Variants in AGAP1 observed in about 807,000 individuals in gnomAD.
AGAP1 encodes ArfGAP with GTPase domain, ankyrin repeat and PH domain 1.
In AGAP1, 29 loss-of-function variants were observed where a neutral mutation model predicts 105.3. The observed-to-expected ratio is 0.28, with a 90% CI of 0.21 to 0.38. The LOEUF (loss-of-function observed/expected upper bound fraction) is 0.38. AGAP1 is among the 10% of genes least tolerant of loss of function. The pLI, the probability that AGAP1 is intolerant of heterozygous loss-of-function variation, is 1.00. For missense variants in AGAP1, 998 were observed against 1,165.1 expected, an observed-to-expected ratio of 0.86 and a Z score of 2.09; for synonymous variants, 509 against 485.9, an observed-to-expected ratio of 1.05 and a Z score of -0.63.
At chr2:235,677,189 A>G (rs562833850) in intron 1 of AGAP1, among the ~76,000 whole-genome samples, 1 of 152,136 alleles carries the variant, frequency 6.6e-6, no homozygotes, top group African/African-American at 2.4e-5. Flanking sequence ...AGAGATGGCT[A>G]TTGGCCCTTT....
chr2:235,897,592 G>A (rs1575726944), intron 10 of AGAP1, among the ~76,000 whole-genome samples: 1 of 152,080 alleles, frequency 6.6e-6, no homozygotes, highest in African/African-American at 2.4e-5. Context: ...GCCGTCCTTT[G>A]TACCCAATTG....
intron 13 of AGAP1, among the ~76,000 whole-genome samples, chr2:235,975,608 G>T (rs554417203): frequency 1.3e-5 from 2 of 152,296 alleles, no homozygotes; most frequent in Admixed American, 1.3e-4. Flanking sequence ...CACATGACTG[G>T]CAAGGAGTCA....
chr2:235,726,169 C>A (rs1451296064), intron 3 of AGAP1, among the ~76,000 whole-genome samples: 1 of 152,174 alleles, frequency 6.6e-6, no homozygotes, highest in Non-Finnish European at 1.5e-5. Flanking sequence ...GAATAAGTAA[C>A]TGTGATGCAG....
intron 16 of AGAP1, among the ~76,000 whole-genome samples, chr2:236,093,455 G>A (rs1432885073): frequency 6.6e-6 from 1 of 152,190 alleles, no homozygotes; most frequent in Non-Finnish European, 1.5e-5. Flanking sequence ...TGGCACCTCT[G>A]TAGTAATATT....
rs1366624081 is a variant in AGAP1 at position 236,083,022 on chromosome 2, G to A, written c.2114+33741G>A. Among the ~76,000 whole-genome samples the A allele has an allele frequency of 7.9e-5, 12 of 152,026 alleles. No homozygotes were observed. Among genetic ancestry groups the A allele is most frequent in the Admixed American group, 7.9e-4 (12 of 15,256 alleles). ...AATACAAAATTAGGCAGGCGTGGTG[G>A]TGCACGCCTGTAATCCCAGCTACTT... On this transcript the variant is annotated intron_variant, in intron 16 of 17. Coordinates refer to ENST00000304032, the MANE Select transcript of AGAP1 (RefSeq NM_001037131.3). The surrounding 1 kb of genome is among the most constrained non-coding windows in gnomAD (Gnocchi z 5.3).
chr2:235,941,913 G>T (rs116057262), intron 12 of AGAP1, among the ~76,000 whole-genome samples: 1 of 152,118 alleles, frequency 6.6e-6, no homozygotes, highest in African/African-American at 2.4e-5. Flanking sequence ...GTTCCAGCCC[G>T]GTATGGAAGA....
In AGAP1 at chr2:235,905,807, T is replaced by C. The variant is rs1193648947; in HGVS notation, c.1156-2931T>C. Among the ~76,000 whole-genome samples the C allele has an allele frequency of 1.3e-5, 2 of 152,216 alleles. No homozygotes were observed. The highest frequency in any genetic ancestry group is 2.9e-5 in the Non-Finnish European group (2 of 68,042). ...AGCCACCGCGCCCCGCCTGATGTGCTTTTCATTTGTCACCCTCAACACAGC... is the reference window on the plus strand; with the variant it reads ...AGCCACCGCGCCCCGCCTGATGTGCCTTTCATTTGTCACCCTCAACACAGC... On this transcript the variant is annotated intron_variant, in intron 10 of 17. Transcript: ENST00000304032. This position sits in a 1 kb window ranked among gnomAD's most constrained non-coding sequence, Gnocchi z 4.2.
intron 16 of AGAP1, among the ~76,000 whole-genome samples, chr2:236,059,972 C>T (rs187048485): frequency 3.7e-4 from 56 of 152,148 alleles, no homozygotes; most frequent in Admixed American, 1.4e-3. Context: ...GCACCTGTAA[C>T]GCCAGCTACT....
At position 235,580,296 on chromosome 2, in the gene AGAP1, A is replaced by T. The variant is rs1302536617; in HGVS notation, c.163+85447A>T. Among the ~76,000 whole-genome samples the T allele has an allele frequency of 2.6e-5, 4 of 151,986 alleles. No individual in the cohort carries two copies. In the East Asian group the frequency reaches 7.7e-4, roughly 29 times the overall value. On this transcript the variant is annotated intron_variant, in intron 1 of 17. Coordinates refer to ENST00000304032, the MANE Select transcript of AGAP1 (RefSeq NM_001037131.3). ...AGTGGTTGCTTGGAAAGGTAATTGT[A>T]TTTGACTTTGAGAAGAACCGCCATA...
In AGAP1 at chr2:236,040,762, G is replaced by A. The variant is rs752822022; in HGVS notation, c.1812G>A (p.Thr604=). The change falls in exon 15 of 18, where the codon ACG becomes ACA. Residue 604 remains threonine, a synonymous_variant. Transcript: ENST00000304032. The surrounding 1 kb of genome is among the most constrained non-coding windows in gnomAD (Gnocchi z 5.6). ...CESSKNKSRL[T]SQSEAMALQS... Reference sequence around the variant, plus strand: ...TCCTCCGTGCCCAGTCCCGGCTGACGAGCCAGAGCGAGGCCATGGCCCTGC... The same window carrying A: ...TCCTCCGTGCCCAGTCCCGGCTGACAAGCCAGAGCGAGGCCATGGCCCTGC... The A allele has an allele frequency of 1.1e-5, 17 of 1,613,134 alleles. No homozygotes were observed. Among genetic ancestry groups the A allele is most frequent in the African/African-American group, 5.3e-5 (4 of 74,890 alleles).
intron 1 of AGAP1, among the ~76,000 whole-genome samples, chr2:235,516,645 C>T (rs1056316379): frequency 6.6e-5 from 10 of 152,150 alleles, no homozygotes; most frequent in Non-Finnish European, 1.3e-4. Flanking sequence ...ATGTGTTTGT[C>T]GCCTCTGGCC....
At chr2:235,968,366 A>G (rs1188398599) in intron 12 of AGAP1, 96 bp from the exon 13 acceptor site, 1 of 1,436,764 alleles carries the variant, frequency 7.0e-7, no homozygotes, top group Non-Finnish European at 9.3e-7. Flanking sequence ...GTGTGGTATG[A>G]GAGGAGCGTG....
Position 235,793,547 on chromosome 2 carries a change from T to A in AGAP1, c.674-4212T>A, listed in dbSNP as rs544119520. Among the ~76,000 whole-genome samples the A allele has an allele frequency of 6.6e-6, 1 of 152,244 alleles. No individual in the cohort carries two copies. Among genetic ancestry groups the A allele is most frequent in the Admixed American group, 6.5e-5 (1 of 15,294 alleles). Reference sequence around the variant, plus strand: ...GAGCCGTCGGATTGCTCTGGTGCACTTGCTGCCTGGTTTTTCTCACCTGCA... The same window carrying A: ...GAGCCGTCGGATTGCTCTGGTGCACATGCTGCCTGGTTTTTCTCACCTGCA... On this transcript the variant is annotated intron_variant, in intron 6 of 17. Coordinates refer to ENST00000304032, the MANE Select transcript of AGAP1 (RefSeq NM_001037131.3). This position sits in a 1 kb window ranked among gnomAD's most constrained non-coding sequence, Gnocchi z 5.3.
intron 17 of AGAP1, among the ~76,000 whole-genome samples, chr2:236,122,069 A>G (rs1049046318): frequency 1.3e-5 from 2 of 149,558 alleles, no homozygotes; most frequent in Non-Finnish European, 3.0e-5. Flanking sequence ...CCCCCACCCT[A>G]GCCTCCCAAG....
chr2:235,768,574 A>C (rs909416449), intron 6 of AGAP1, among the ~76,000 whole-genome samples: 1 of 152,230 alleles, frequency 6.6e-6, no homozygotes, highest in Non-Finnish European at 1.5e-5. Flanking sequence ...ACAATGTTTT[A>C]CCATCCTCTA....
intron 13 of AGAP1, among the ~76,000 whole-genome samples, chr2:235,995,573 C>T (rs903614623): frequency 6.6e-6 from 1 of 152,152 alleles, no homozygotes; most frequent in Non-Finnish European, 1.5e-5. Context: ...CTCTGTGCAT[C>T]ATAGATGGCA....
Position 235,740,801 on chromosome 2 carries a change from C to T in AGAP1, c.311-162C>T, listed in dbSNP as rs1378915495. Among the ~76,000 whole-genome samples, 1 of 152,228 alleles carries T rather than the reference C, an allele frequency of 6.6e-6. No individual in the cohort carries two copies. On this transcript the variant is annotated intron_variant, in intron 3 of 17. Transcript: ENST00000304032. The surrounding 1 kb of genome is among the most constrained non-coding windows in gnomAD (Gnocchi z 5.7). Reference sequence around the variant, plus strand: ...AAAGACAAACATTTAAATCTGAGTTCGGCTCTGTTAAAATTCAGCATTTGC... The same window carrying T: ...AAAGACAAACATTTAAATCTGAGTTTGGCTCTGTTAAAATTCAGCATTTGC...
intron 16 of AGAP1, among the ~76,000 whole-genome samples, chr2:236,071,915 A>G (rs2058506444): frequency 6.6e-6 from 1 of 152,154 alleles, no homozygotes; most frequent in Admixed American, 6.5e-5. Context: ...TTTAAAAACC[A>G]ATCCAGATCT....
At chr2:235,928,519 T>C (rs949091713) in intron 11 of AGAP1, among the ~76,000 whole-genome samples, 1 of 152,140 alleles carries the variant, frequency 6.6e-6, no homozygotes, top group African/African-American at 2.4e-5. Flanking sequence ...ATGCTCACCA[T>C]TGGTTGAGCC....
Sources: gnomAD v4.1 joint callset for allele counts (sites outside exome capture counted in the v4.1 genomes callset) on GRCh38, gnomAD v4.1.1 for gene constraint, Gnocchi (gnomAD v3.1) non-coding constraint, MANE v1.5 for transcripts, NCBI Gene and HGNC (gene_info 2026-07-23, HGNC 2026-07-21) for gene names.